The following SDK1 variants were observed in gnomAD, a reference collection of about 807,000 sequenced individuals.
SDK1 encodes the protein sidekick cell adhesion molecule 1, also known as protein sidekick-1.
SDK1 carries 157 observed loss-of-function variants against 245.5 expected under a neutral mutation model. That is an observed-to-expected ratio of 0.64 (90% confidence interval 0.56 to 0.73). SDK1 has a LOEUF of 0.73. Among genes scored for constraint, SDK1 ranks in the 30% least tolerant of loss-of-function variants. SDK1 has a pLI of 0.00. For missense variants in SDK1, 3,583 were observed against 3,002.3 expected (o/e 1.19, Z -4.52); for synonymous variants, 1,647 against 1,278.5 (o/e 1.29, Z -6.15).
At chr7:4,213,467 C>T (rs953682287) in intron 38 of SDK1, among the ~76,000 whole-genome samples, 1 of 151,932 alleles carries the variant, frequency 6.6e-6, no homozygotes. Context: ...TGCCTGTAGT[C>T]CCAGTTACTC....
intron 1 of SDK1, among the ~76,000 whole-genome samples, chr7:3,392,627 C>G (rs1781786529): frequency 6.6e-6 from 1 of 152,136 alleles, no homozygotes; most frequent in Non-Finnish European, 1.5e-5. Context: ...CTTCCTCCCT[C>G]CAACCCTGGT....
At chr7:3,571,176 A>G (rs1024030416) in intron 1 of SDK1, among the ~76,000 whole-genome samples, 4 of 152,200 alleles carry the variant, frequency 2.6e-5, no homozygotes, top group African/African-American at 9.6e-5. Flanking sequence ...CTTAAATGTA[A>G]TAGCTGAACT....
intron 5 of SDK1, among the ~76,000 whole-genome samples, chr7:3,859,214 G>A (rs10248032): frequency 1.3e-5 from 2 of 152,020 alleles, no homozygotes; most frequent in Non-Finnish European, 2.9e-5. Context: ...AAAAGGGCTC[G>A]GCAGGTGATG....
intron 44 of SDK1, among the ~76,000 whole-genome samples, chr7:4,259,557 A>G (rs1214022082): frequency 1.3e-5 from 2 of 152,202 alleles, no homozygotes; most frequent in African/African-American, 4.8e-5. Context: ...TACATCATAT[A>G]TTAGGGAACT....
At chr7:3,758,649 T>C (rs1208336487) in intron 4 of SDK1, among the ~76,000 whole-genome samples, 1 of 152,232 alleles carries the variant, frequency 6.6e-6, no homozygotes, top group Non-Finnish European at 1.5e-5. Context: ...TACTCTGCAC[T>C]GTGAGATCCT....
chr7:3,796,855 T>C (rs778007855), intron 4 of SDK1, among the ~76,000 whole-genome samples: 9 of 152,190 alleles, frequency 5.9e-5, no homozygotes, highest in Non-Finnish European at 8.8e-5. Context: ...ATCAATGTTA[T>C]ATAGTCAAGT....
intron 40 of SDK1, among the ~76,000 whole-genome samples, chr7:4,224,269 A>T (rs1187321806): frequency 1.3e-5 from 2 of 152,252 alleles, no homozygotes; most frequent in Non-Finnish European, 2.9e-5. Flanking sequence ...TACAGGAAGC[A>T]TGGTGGCTTT....
chr7:4,267,622 G>C lies in SDK1; in HGVS notation c.*2238G>C. On this transcript the variant is annotated 3_prime_UTR_variant, in exon 45 of 45. Coordinates refer to ENST00000404826, the MANE Select transcript of SDK1 (RefSeq NM_152744.4). ...TGCACTCTGATGACTGCTCTCTGCAGCCATGAGGATGTGGCTTTACATGCC... is the reference window on the plus strand; with the variant it reads ...TGCACTCTGATGACTGCTCTCTGCACCCATGAGGATGTGGCTTTACATGCC... 1.0e-6 allele frequency: 1 copy of C among 985,500 alleles called. No homozygotes were observed. Among genetic ancestry groups the C allele is most frequent in the Non-Finnish European group, 1.2e-6 (1 of 829,946 alleles). 61.0% of individuals were successfully genotyped at this position (985,500 alleles called of 1,614,324 possible).
chr7:3,327,247 T>C (rs2128549579), intron 1 of SDK1, among the ~76,000 whole-genome samples: 1 of 152,240 alleles, frequency 6.6e-6, no homozygotes, highest in African/African-American at 2.4e-5. Context: ...GGATCTTCAG[T>C]TTAGAGAAGA....
At chr7:3,882,507 C>A (rs1391716153) in intron 5 of SDK1, among the ~76,000 whole-genome samples, 1 of 152,202 alleles carries the variant, frequency 6.6e-6, no homozygotes, top group South Asian at 2.1e-4. Context: ...TGTGTTTGGA[C>A]TCAGTAAATA....
intron 35 of SDK1, among the ~76,000 whole-genome samples, chr7:4,179,767 G>A (rs1259321418): frequency 6.6e-6 from 1 of 152,004 alleles, no homozygotes; most frequent in East Asian, 1.9e-4. Context: ...CGTCAGTAAA[G>A]GGTGGGTGCC....
intron 1 of SDK1, among the ~76,000 whole-genome samples, chr7:3,393,111 C>G (rs926603774): frequency 1.3e-5 from 2 of 151,840 alleles, no homozygotes; most frequent in African/African-American, 4.8e-5. Context: ...GCTGAGATTA[C>G]AGGTGCCTGC....
At position 4,266,699 on chromosome 7, in the gene SDK1, G is replaced by A; in HGVS notation, c.*1315G>A. 1.0e-6 allele frequency: 1 copy of A among 985,454 alleles called. No individual in the cohort carries two copies. The highest frequency in any genetic ancestry group is 1.2e-6 in the Non-Finnish European group (1 of 829,942). 61.0% of individuals were successfully genotyped at this position (985,454 alleles called of 1,614,324 possible). A position where few individuals can be genotyped will look rare whatever the true frequency, so the allele number is the denominator to read the frequency against. The stretch of plus-strand genomic sequence containing the variant: ...GCCTCCAGCCCCTCACGTCATCTTT[G>A]CAACAGACGACTGGGCTGCCATGGT... On this transcript the variant is annotated 3_prime_UTR_variant, in exon 45 of 45. Transcript: ENST00000404826.
chr7:3,437,893 A>G (rs936539584), intron 1 of SDK1, among the ~76,000 whole-genome samples: 2 of 152,224 alleles, frequency 1.3e-5, no homozygotes, highest in Non-Finnish European at 2.9e-5. Context: ...CGTAGTTGAC[A>G]TCTCTGAAAG....
At chr7:3,331,154 C>T (rs1247567118) in intron 1 of SDK1, among the ~76,000 whole-genome samples, 2 of 152,046 alleles carry the variant, frequency 1.3e-5, no homozygotes, top group African/African-American at 4.8e-5. Context: ...ATCCTAGCTA[C>T]TTGGGAGGCT....
chr7:3,557,652 A>G (rs1022462167), intron 1 of SDK1, among the ~76,000 whole-genome samples: 1 of 152,212 alleles, frequency 6.6e-6, no homozygotes, highest in Non-Finnish European at 1.5e-5. Flanking sequence ...GCATTGTACT[A>G]AGGCTTTCAA....
chr7:3,958,201 T>C (rs1583635992), intron 7 of SDK1: 1 of 320,200 alleles, frequency 3.1e-6, no homozygotes, highest in East Asian at 1.0e-4. Context: ...GTTATCATGA[T>C]AATGAAATCA....
At chr7:3,369,620 G>A (rs1562445396) in intron 1 of SDK1, among the ~76,000 whole-genome samples, 1 of 152,182 alleles carries the variant, frequency 6.6e-6, no homozygotes, top group Admixed American at 6.5e-5. Flanking sequence ...ATAGGATGTT[G>A]TATATAAGAG....
Position 3,799,929 on chromosome 7 carries a change from G to C in SDK1, c.714-21521G>C, listed in dbSNP as rs549254276. The stretch of plus-strand genomic sequence containing the variant: ...TATGCTTTTCTTTCTTTGTCTCCTG[G>C]GTGAAGTTTTGGGTCCTTGTCTCCA... On this transcript the variant is annotated intron_variant, in intron 4 of 44. Coordinates refer to ENST00000404826, the MANE Select transcript of SDK1 (RefSeq NM_152744.4). Among the ~76,000 whole-genome samples the C allele has an allele frequency of 2.6e-5, 4 of 152,036 alleles. No homozygotes were observed. In the East Asian group the frequency reaches 7.7e-4, roughly 29 times the overall value.
Sources: gnomAD v4.1 joint callset for allele counts (sites outside exome capture counted in the v4.1 genomes callset) on GRCh38, gnomAD v4.1.1 for gene constraint, MANE v1.5 for transcripts, NCBI Gene and HGNC (gene_info 2026-07-23, HGNC 2026-07-21) for gene names.